RBFOX1: variants seen among roughly 807,000 people sequenced by gnomAD.
The protein encoded by RBFOX1 is RNA binding protein fox-1 homolog 1.
Under a neutral mutation model 57.7 loss-of-function variants are expected in RBFOX1, and 8 were observed. The ratio of observed to expected loss-of-function variants is 0.14; its 90% CI spans 0.08 to 0.25. The LOEUF is 0.25. RBFOX1 is among the 10% of genes least tolerant of loss of function. The pLI, the probability that RBFOX1 is intolerant of heterozygous loss-of-function variation, is 1.00. For synonymous variants in RBFOX1, 326 were observed against 222.4 expected (o/e 1.47, Z -4.15); for missense variants, 611 against 548.5 (o/e 1.11, Z -1.14).
intron 3 of RBFOX1, among the ~76,000 whole-genome samples, chr16:6,974,803 C>T (rs975101286): frequency 6.6e-6 from 1 of 152,114 alleles, no homozygotes; most frequent in Admixed American, 6.6e-5. Flanking sequence ...ATGAAGTTTG[C>T]CAGTCACTCC....
intron 3 of RBFOX1, among the ~76,000 whole-genome samples, chr16:6,712,650 G>T (rs1861038): frequency 6.6e-6 from 1 of 151,974 alleles, no homozygotes; most frequent in Admixed American, 6.6e-5. Context: ...CTATCATGGC[G>T]TAGGCACTCT....
intron 2 of RBFOX1, among the ~76,000 whole-genome samples, chr16:6,355,019 G>A (rs971560027): frequency 2.0e-5 from 3 of 152,132 alleles, no homozygotes; most frequent in African/African-American, 7.2e-5. Context: ...AGAGGACATA[G>A]GAGCCTGACT....
intron 2 of RBFOX1, among the ~76,000 whole-genome samples, chr16:6,626,349 T>G (rs2098306839): frequency 6.6e-6 from 1 of 151,588 alleles, no homozygotes; most frequent in Non-Finnish European, 1.5e-5. Flanking sequence ...TGTGGAGGAG[T>G]GGGTGTTGCA....
intron 3 of RBFOX1, among the ~76,000 whole-genome samples, chr16:6,920,813 A>T (rs117362306): frequency 0.01 from 1,579 of 152,296 alleles, 16 homozygotes; most frequent in Middle Eastern, 0.027. Flanking sequence ...CCCTGAATCC[A>T]GGATGATTCC....
intron 2 of RBFOX1, among the ~76,000 whole-genome samples, chr16:6,370,292 A>T (rs1017123444): frequency 7.6e-6 from 1 of 132,378 alleles, no homozygotes; most frequent in Non-Finnish European, 1.6e-5. Flanking sequence ...CAGGAGGCGG[A>T]GCTTGCAGTG....
chr16:7,705,048 GAAA>G (rs36086189), intron 14 of RBFOX1, among the ~76,000 whole-genome samples: 12 of 129,840 alleles, frequency 9.2e-5, no homozygotes, highest in African/African-American at 2.6e-4. Flanking sequence ...TGTCTCAAAA[GAAA>G]AAAAAAAAAA....
At chr16:7,613,269 T>C (rs1394983825) in intron 10 of RBFOX1, among the ~76,000 whole-genome samples, 1 of 152,058 alleles carries the variant, frequency 6.6e-6, no homozygotes, top group African/African-American at 2.4e-5. Flanking sequence ...GAAAAGAAAA[T>C]GACAGGAACT....
intron 4 of RBFOX1, among the ~76,000 whole-genome samples, chr16:5,911,437 C>A (rs756604282): frequency 6.6e-6 from 1 of 152,194 alleles, no homozygotes; most frequent in African/African-American, 2.4e-5. Context: ...GGGCACCATC[C>A]TAGCATTTCA....
At chr16:6,375,193 G>C (rs1008886350) in intron 2 of RBFOX1, among the ~76,000 whole-genome samples, 5 of 152,096 alleles carry the variant, frequency 3.3e-5, no homozygotes, top group African/African-American at 1.2e-4. Flanking sequence ...AACTGCAAGA[G>C]GGTATTTTCT....
intron 3 of RBFOX1, among the ~76,000 whole-genome samples, chr16:6,851,096 T>G (rs987684281): frequency 1.3e-5 from 2 of 152,092 alleles, no homozygotes; most frequent in Non-Finnish European, 2.9e-5. Context: ...AACTCCAGGG[T>G]GAGTTTCACT....
At chr16:6,122,124 TCGAAC>T (rs2096554796) in intron 1 of RBFOX1, among the ~76,000 whole-genome samples, 2 of 152,182 alleles carry the variant, frequency 1.3e-5, no homozygotes, top group African/African-American at 4.8e-5. Flanking sequence ...AAGGCTGGTC[TCGAAC>T]TCCTGGCCTC....
intron 1 of RBFOX1, among the ~76,000 whole-genome samples, chr16:6,308,649 G>A (rs1384110849): frequency 1.3e-5 from 2 of 152,172 alleles, no homozygotes; most frequent in South Asian, 4.1e-4. Flanking sequence ...CAGAGAGGCA[G>A]TTTTTTGGGG....
intron 2 of RBFOX1, among the ~76,000 whole-genome samples, chr16:6,532,448 T>A (rs746694132): frequency 6.6e-6 from 1 of 152,208 alleles, no homozygotes; most frequent in Non-Finnish European, 1.5e-5. Flanking sequence ...ATTTCTTGAA[T>A]GTATGGAGGA....
intron 4 of RBFOX1, among the ~76,000 whole-genome samples, chr16:5,962,899 G>C (rs1193833393): frequency 2.0e-5 from 3 of 150,844 alleles, no homozygotes; most frequent in South Asian, 2.1e-4. Context: ...TTATATGATA[G>C]GGCTTATCTT....
intron 4 of RBFOX1, among the ~76,000 whole-genome samples, chr16:7,140,440 C>G (rs1417339710): frequency 1.3e-5 from 2 of 151,868 alleles, no homozygotes; most frequent in Non-Finnish European, 2.9e-5. Flanking sequence ...TGTCTAACTT[C>G]CCAAATATGT....
chr16:6,062,249 A>G (rs1051561604), intron 1 of RBFOX1, among the ~76,000 whole-genome samples: 5 of 151,712 alleles, frequency 3.3e-5, no homozygotes, highest in Non-Finnish European at 7.4e-5. Context: ...AATAGGTTTG[A>G]TTGATTCCAT....
At position 6,411,115 on chromosome 16, in the gene RBFOX1, A is replaced by G. The variant is rs151245719; in HGVS notation, c.-64+94058A>G. On this transcript the variant is annotated intron_variant, in intron 2 of 15. Transcript: ENST00000550418. ...AACTGGATGTCCCGCAATCATGGGA[A>G]TACAGGTGCAACCCATCACATATGG... Among the ~76,000 whole-genome samples the G allele has an allele frequency of 1.9e-3, 288 of 152,310 alleles. 2 individuals carry two copies. The highest frequency in any genetic ancestry group is 5.1e-3 in the African/African-American group (210 of 41,566).
chr16:7,085,140 C>G (rs148426141), intron 4 of RBFOX1, among the ~76,000 whole-genome samples: 3 of 152,068 alleles, frequency 2.0e-5, no homozygotes, highest in East Asian at 3.9e-4. Flanking sequence ...CATCTCAGAT[C>G]AAATAAAGAG....
intron 2 of RBFOX1, among the ~76,000 whole-genome samples, chr16:6,647,550 G>A (rs185217715): frequency 2.8e-4 from 42 of 152,156 alleles, no homozygotes; most frequent in African/African-American, 1.0e-3. Context: ...ACCCAGCCAA[G>A]GGCAGTCATT....
Sources: gnomAD v4.1 joint callset for allele counts (sites outside exome capture counted in the v4.1 genomes callset) on GRCh38, gnomAD v4.1.1 for gene constraint, MANE v1.5 for transcripts, NCBI Gene and HGNC (gene_info 2026-07-23, HGNC 2026-07-21) for gene names.